CSMD1: variants seen among roughly 807,000 people sequenced by gnomAD.
CSMD1 encodes the protein CUB and Sushi multiple domains 1.
In CSMD1, 213 loss-of-function variants were observed where a neutral mutation model predicts 417.5. The ratio of observed to expected loss-of-function variants is 0.51; its 90% CI spans 0.46 to 0.57. CSMD1 has a LOEUF of 0.57. CSMD1 is among the 20% of genes least tolerant of loss of function. The pLI, the probability that CSMD1 is intolerant of heterozygous loss-of-function variation, is 0.00. For missense variants in CSMD1, 6,923 were observed against 4,529.7 expected (o/e 1.53, Z -15.17); for synonymous variants, 2,862 against 1,736.8 (o/e 1.65, Z -16.11).
At position 3,079,153 on chromosome 8, in the gene CSMD1, T is replaced by C. The variant is rs184683265; in HGVS notation, c.7474+7944A>G. Among the ~76,000 whole-genome samples the C allele has an allele frequency of 2.0e-5, 3 of 152,268 alleles. No homozygotes were observed. In the East Asian group the frequency reaches 5.8e-4, roughly 29 times the overall value. ...GCACTCCTTTCAAATCCCCTAAGAT[T>C]GTGTGAGGTAGATTTAAGCAAGGGC... is the stretch of plus-strand genomic sequence containing the variant. On this transcript the variant is annotated intron_variant, in intron 49 of 69. Transcript: ENST00000635120.
chr8:3,065,308 TAG>T (rs1812862177), intron 49 of CSMD1, among the ~76,000 whole-genome samples: 1 of 145,348 alleles, frequency 6.9e-6, no homozygotes, highest in South Asian at 2.6e-4. Flanking sequence ...GATAGGTAGA[TAG>T]ATAGATAGAC....
At chr8:4,937,699 A>G (rs1358668454) in intron 1 of CSMD1, among the ~76,000 whole-genome samples, 1 of 152,162 alleles carries the variant, frequency 6.6e-6, no homozygotes, top group African/African-American at 2.4e-5. Flanking sequence ...CTTTAGGGGT[A>G]TGAACGATTT....
rs75794983 is a variant in CSMD1, at chr8:3,888,214, T to G, written c.818+109689A>C. 4.8e-3 allele frequency among the ~76,000 whole-genome samples: 736 copies of G among 152,250 alleles called. 16 individuals are homozygous for G. Among genetic ancestry groups the G allele is most frequent in the Admixed American group, 0.036 (543 of 15,286 alleles). The stretch of plus-strand genomic sequence containing the variant: ...GACCTAAAAACTTCAAATCAAAACC[T>G]AGACATAAAGTTAGAGGAATAAGCA... On this transcript the variant is annotated intron_variant, in intron 5 of 69. Transcript: ENST00000635120.
At chr8:4,411,283 C>G (rs1325872164) in intron 3 of CSMD1, among the ~76,000 whole-genome samples, 1 of 152,050 alleles carries the variant, frequency 6.6e-6, no homozygotes, top group African/African-American at 2.4e-5. Flanking sequence ...ATGGAGTTAA[C>G]TTGCCCTTTA....
intron 26 of CSMD1, among the ~76,000 whole-genome samples, chr8:3,244,827 T>G (rs1799775929): frequency 6.6e-6 from 1 of 152,188 alleles, no homozygotes; most frequent in African/African-American, 2.4e-5. Context: ...GCGGGATCCG[T>G]CTTCAGCAGG....
At position 4,692,225 on chromosome 8, in the gene CSMD1, C is replaced by G. The variant is rs74843278; in HGVS notation, c.86-54667G>C. On this transcript the variant is annotated intron_variant, in intron 1 of 69. Coordinates refer to ENST00000635120, the MANE Select transcript of CSMD1 (RefSeq NM_033225.6). ...ATCATGGCTACTTACCGACCTCACT[C>G]AAGTCCTCTGCAAGCCACTCCCAAC... Among the ~76,000 whole-genome samples, 1,169 of 152,212 alleles carry G rather than the reference C, an allele frequency of 7.7e-3. 18 individuals are homozygous for G. Among genetic ancestry groups the G allele is most frequent in the African/African-American group, 0.026 (1,064 of 41,524 alleles).
intron 3 of CSMD1, among the ~76,000 whole-genome samples, chr8:4,167,272 C>A (rs995191634): frequency 6.6e-6 from 1 of 152,004 alleles, no homozygotes; most frequent in Non-Finnish European, 1.5e-5. Flanking sequence ...TTTTTCCTTG[C>A]AGTTTAGAAA....
chr8:4,284,981 A>G (rs893947209), intron 3 of CSMD1, among the ~76,000 whole-genome samples: 15 of 152,158 alleles, frequency 9.9e-5, no homozygotes, highest in African/African-American at 3.4e-4. Flanking sequence ...TCGCCTCACC[A>G]TGCCTCGGTT....
chr8:3,092,950 T>C (rs1481312202), intron 47 of CSMD1, among the ~76,000 whole-genome samples: 2 of 152,210 alleles, frequency 1.3e-5, no homozygotes, highest in Non-Finnish European at 2.9e-5. Context: ...ACAGCTGTCT[T>C]TGTTGTTATA....
At chr8:4,045,788 T>A (rs548619783) in intron 3 of CSMD1, among the ~76,000 whole-genome samples, 1 of 152,296 alleles carries the variant, frequency 6.6e-6, no homozygotes, top group South Asian at 2.1e-4. Flanking sequence ...TTAAAGCTAT[T>A]TCCAGACATT....
chr8:2,994,734 G>T (rs1455149595), intron 54 of CSMD1, among the ~76,000 whole-genome samples: 1 of 152,130 alleles, frequency 6.6e-6, no homozygotes, highest in African/African-American at 2.4e-5. Flanking sequence ...ATTATTTATA[G>T]ACATCTTTAT....
At chr8:4,230,763 GT>G (rs201745669) in intron 3 of CSMD1, among the ~76,000 whole-genome samples, 26 of 150,994 alleles carry the variant, frequency 1.7e-4, no homozygotes, top group African/African-American at 5.1e-4. Context: ...AATTCTATCA[GT>G]TTTTTTTTGA....
chr8:4,038,157 A>T (rs1797712264), intron 3 of CSMD1, among the ~76,000 whole-genome samples: 1 of 152,136 alleles, frequency 6.6e-6, no homozygotes. Flanking sequence ...CAAAGTTATA[A>T]ATTTATGATT....
At chr8:4,213,569 C>G (rs1228348201) in intron 3 of CSMD1, among the ~76,000 whole-genome samples, 1 of 152,208 alleles carries the variant, frequency 6.6e-6, no homozygotes, top group Non-Finnish European at 1.5e-5. Flanking sequence ...CACTTTTGCT[C>G]TCCCACTTGC....
At position 4,791,445 on chromosome 8, in the gene CSMD1, G is replaced by A. The variant is rs6999966; in HGVS notation, c.86-153887C>T. 6.1e-3 allele frequency among the ~76,000 whole-genome samples: 924 copies of A among 152,262 alleles called. 13 individuals are homozygous for A. Among genetic ancestry groups the A allele is most frequent in the African/African-American group, 0.021 (877 of 41,534 alleles). On this transcript the variant is annotated intron_variant, in intron 1 of 69. Coordinates refer to ENST00000635120, the MANE Select transcript of CSMD1 (RefSeq NM_033225.6). The stretch of plus-strand genomic sequence containing the variant: ...TGGGACCCCATCCCTTGGTCTATAA[G>A]GTTTGTGATCTTGAAAAGTGAACCT...
At chr8:4,604,616 A>G (rs905352953) in intron 2 of CSMD1, among the ~76,000 whole-genome samples, 2 of 152,206 alleles carry the variant, frequency 1.3e-5, no homozygotes, top group African/African-American at 4.8e-5. Flanking sequence ...AAGTGAAACT[A>G]AAGTTAAATC....
At chr8:4,045,381 A>G (rs1390219418) in intron 3 of CSMD1, among the ~76,000 whole-genome samples, 4 of 152,186 alleles carry the variant, frequency 2.6e-5, no homozygotes, top group Non-Finnish European at 4.4e-5. Flanking sequence ...ACTGTCATTT[A>G]AAACAGTGCT....
At chr8:4,912,135 A>AACAAAAAAAAAAAAAAAAAAAAAAAAAAG (rs1554518072) in intron 1 of CSMD1, among the ~76,000 whole-genome samples, 1 of 115,612 alleles carries the variant, frequency 8.6e-6, no homozygotes, top group Non-Finnish European at 1.9e-5. Flanking sequence ...AAAAAAAAAA[A>AACAAAAAAAAAAAAAAAAAAAAAAAAAAG]AAAAAAGAAA....
chr8:4,400,631 A>C (rs1804581506), intron 3 of CSMD1, among the ~76,000 whole-genome samples: 1 of 152,220 alleles, frequency 6.6e-6, no homozygotes, highest in African/African-American at 2.4e-5. Flanking sequence ...ACTGACCTGC[A>C]ATCTTGAAGT....
Sources: allele counts gnomAD v4.1 joint callset (sites outside exome capture counted in the v4.1 genomes callset), GRCh38; gene constraint gnomAD v4.1.1; transcripts MANE v1.5; gene names NCBI Gene and HGNC (gene_info 2026-07-23, HGNC 2026-07-21).